The following HAO2 variants were observed in gnomAD, a reference collection of about 807,000 sequenced individuals.
The protein encoded by HAO2 is 2-Hydroxyacid oxidase 2.
In HAO2, 42 loss-of-function variants were observed where a neutral mutation model predicts 37.4. That is an observed-to-expected ratio of 1.12 (90% confidence interval 0.88 to 1.45). HAO2 has a LOEUF of 1.45. HAO2 is among the 40% of genes most tolerant of loss of function. The pLI is 0.00. For synonymous variants in HAO2, 180 were observed against 162.8 expected (o/e 1.11, Z -0.81); for missense variants, 476 against 430.2 (o/e 1.11, Z -0.94).
intron 2 of HAO2, among the ~76,000 whole-genome samples, chr1:119,381,702 G>A (rs1649958924): frequency 6.6e-6 from 1 of 152,134 alleles, no homozygotes; most frequent in South Asian, 2.1e-4. Flanking sequence ...ATGGAGCATC[G>A]GTCAACCAAC....
At position 119,370,647 on chromosome 1, in the gene HAO2, A is replaced by G. The variant is rs78595972; in HGVS notation, c.-9+1745A>G. ...CTGAGATTTCAGCCTATGTTTGCCA[A>G]GTGCCAAAGCTTATAATATAGTCTG... On this transcript the variant is annotated intron_variant, in intron 1 of 7. Transcript: ENST00000325945. Among the ~76,000 whole-genome samples the G allele has an allele frequency of 7.2e-5, 11 of 152,188 alleles. No individual in the cohort carries two copies. In the East Asian group the frequency reaches 1.5e-3, roughly 21 times the overall value.
Position 119,384,788 on chromosome 1 carries a change from C to T in HAO2, c.296C>T (p.Ala99Val). Reference protein sequence around the residue: ...EMSTARAAQAAGICYITSTFA... With the variant: ...EMSTARAAQAVGICYITSTFA... ...CTTTGCTTTACAGCTGCCCAAGCGG[C>T]TGGTATCTGCTACATCACCAGCACA... is the stretch of plus-strand genomic sequence containing the variant. The change falls in exon 4 of 8, where the codon GCT (alanine) becomes GTT (valine). Residue 99 changes from alanine (A) to valine (V), a missense_variant. Ala to Val is a moderately conservative substitution (Grantham distance 64). Transcript: ENST00000325945. 1 of 1,613,856 alleles carries T rather than the reference C, an allele frequency of 6.2e-7. No homozygotes were observed. Among genetic ancestry groups the T allele is most frequent in the Non-Finnish European group, 8.5e-7 (1 of 1,179,856 alleles).
At chr1:119,383,469 G>A (rs1420202975) in intron 3 of HAO2, among the ~76,000 whole-genome samples, 1 of 152,196 alleles carries the variant, frequency 6.6e-6, no homozygotes, top group African/African-American at 2.4e-5. Context: ...TTTAGGATGA[G>A]GAGAGAATCA....
At chr1:119,389,167 T>TATATATATATATATAC (rs1553205803) in intron 5 of HAO2, among the ~76,000 whole-genome samples, 6 of 99,962 alleles carry the variant, frequency 6.0e-5, no homozygotes, top group Non-Finnish European at 8.5e-5. Context: ...TATATATATA[T>TATATATATATATATAC]ACACCACAGT....
intron 1 of HAO2, among the ~76,000 whole-genome samples, chr1:119,377,870 C>T (rs978263005): frequency 6.6e-5 from 10 of 152,144 alleles, no homozygotes; most frequent in African/African-American, 2.4e-4. Context: ...AGTTTGAGAC[C>T]AGCCTGGCCA....
chr1:119,374,619 T>C (rs1342055730), intron 1 of HAO2, among the ~76,000 whole-genome samples: 1 of 152,176 alleles, frequency 6.6e-6, no homozygotes. Flanking sequence ...AGAGGCTGAC[T>C]TTTCTCCCCC....
intron 5 of HAO2, among the ~76,000 whole-genome samples, chr1:119,387,615 CA>C (rs1480156240): frequency 6.6e-6 from 1 of 152,116 alleles, no homozygotes; most frequent in African/African-American, 2.4e-5. Flanking sequence ...AATGCAAATA[CA>C]ATTTTTGGTG....
intron 3 of HAO2, among the ~76,000 whole-genome samples, 188 bp downstream of exon 3, chr1:119,383,254 A>G (rs1301782701): frequency 1.3e-5 from 2 of 152,250 alleles, no homozygotes; most frequent in Admixed American, 6.5e-5. Context: ...TTCATTTTCC[A>G]TAATAAAGAA....
intron 4 of HAO2, chr1:119,385,749 A>G (rs1650332386): frequency 1.0e-6 from 1 of 985,250 alleles, no homozygotes; most frequent in Admixed American, 6.2e-5. Flanking sequence ...AGCCTTTTCA[A>G]CCAGTGGGCA....
chr1:119,376,337 ACT>A (rs1329783843), intron 1 of HAO2, among the ~76,000 whole-genome samples: 40 of 152,354 alleles, frequency 2.6e-4, no homozygotes, highest in African/African-American at 8.9e-4. Flanking sequence ...TCCAGGTCAC[ACT>A]GATGCAAGAG....
chr1:119,374,757 T>C (rs191317793), intron 1 of HAO2, among the ~76,000 whole-genome samples: 247 of 152,340 alleles, frequency 1.6e-3, no homozygotes, highest in African/African-American at 5.7e-3. Context: ...ATGAATCATA[T>C]GAATCATACA....
chr1:119,384,662 G>T (rs889516078), intron 3 of HAO2, 114 bp from the exon 4 acceptor site: 16 of 795,776 alleles, frequency 2.0e-5, no homozygotes, highest in Non-Finnish European at 3.2e-5. Flanking sequence ...ATGAAATTAA[G>T]CTTTATCTGC....
rs753229418 is a variant in HAO2, at chr1:119,372,645, C to G, written c.-9+3743C>G. 1.1e-3 allele frequency among the ~76,000 whole-genome samples: 171 copies of G among 152,292 alleles called. 1 individual carries two copies. Among genetic ancestry groups the G allele is most frequent in the Non-Finnish European group, 1.1e-3 (77 of 68,028 alleles). ...AAACAGCTGGTGTGACAGGCCGTAC[C>G]TCTTGTAAAAGGGAATAGTGACAAG... is the stretch of plus-strand genomic sequence containing the variant. On this transcript the variant is annotated intron_variant, in intron 1 of 7. Coordinates refer to ENST00000325945, the MANE Select transcript of HAO2 (RefSeq NM_016527.4).
At chr1:119,380,628 G>A (rs1570767003) in intron 1 of HAO2, 3 of 1,146,142 alleles carry the variant, frequency 2.6e-6, no homozygotes, top group Non-Finnish European at 4.0e-6. Context: ...CCATGACGTG[G>A]GCACATTGAA....
chr1:119,390,996 A>G (rs956308019), intron 5 of HAO2, among the ~76,000 whole-genome samples: 3 of 152,196 alleles, frequency 2.0e-5, no homozygotes, highest in African/African-American at 7.2e-5. Flanking sequence ...AAAATACTCC[A>G]AATAATACCA....
At chr1:119,377,746 G>A (rs772360392) in intron 1 of HAO2, among the ~76,000 whole-genome samples, 41 of 152,230 alleles carry the variant, frequency 2.7e-4, no homozygotes, top group Non-Finnish European at 5.1e-4. Context: ...AGGTAAGAGA[G>A]CACATGCAGG....
At chr1:119,393,213 C>T (rs1019197038) in intron 7 of HAO2, among the ~76,000 whole-genome samples, 3 of 152,130 alleles carry the variant, frequency 2.0e-5, no homozygotes, top group Admixed American at 2.0e-4. Flanking sequence ...CCCACAACTC[C>T]CCAGCCCCAT....
intron 5 of HAO2, among the ~76,000 whole-genome samples, chr1:119,388,592 C>T (rs1650575281): frequency 1.3e-5 from 2 of 152,166 alleles, no homozygotes; most frequent in Non-Finnish European, 2.9e-5. Context: ...CAGTGTGAGT[C>T]TCGTGAGGGT....
intron 1 of HAO2, 131 bp from the exon 2 acceptor site, chr1:119,380,947 G>C (rs760533484): frequency 2.8e-5 from 23 of 819,728 alleles, no homozygotes; most frequent in Non-Finnish European, 4.1e-5. Context: ...CAATAACTCT[G>C]TTAAGATAAG....
Sources: allele counts gnomAD v4.1 joint callset (sites outside exome capture counted in the v4.1 genomes callset), GRCh38; gene constraint gnomAD v4.1.1; transcripts MANE v1.5; gene names NCBI Gene and HGNC (gene_info 2026-07-23, HGNC 2026-07-21).